Variants in FBXO34 observed in about 807,000 individuals in gnomAD.
FBXO34 encodes F-box only protein 34.
Under a neutral mutation model 24.5 loss-of-function variants are expected in FBXO34, and 12 were observed. That is an observed-to-expected ratio of 0.49 (90% CI 0.31 to 0.79). FBXO34 has a LOEUF of 0.79. Ranked by LOEUF, FBXO34 falls within the 30% of genes least tolerant of loss-of-function variation. The pLI is 0.04. For missense variants in FBXO34, 823 were observed against 857.7 expected, an observed-to-expected ratio of 0.96 and a Z score of 0.51; for synonymous variants, 320 against 311.9, an observed-to-expected ratio of 1.03 and a Z score of -0.27.
At chr14:55,404,926 G>A in the FBXO34 span, among the ~76,000 whole-genome samples, 1 of 152,146 alleles carries the variant, frequency 6.6e-6, no homozygotes, top group Non-Finnish European at 1.5e-5. Context: ...CATGGGGTGA[G>A]GGTAGGGAAG....
the FBXO34 span, among the ~76,000 whole-genome samples, chr14:55,432,308 G>A: frequency 1.3e-5 from 2 of 149,404 alleles, no homozygotes; most frequent in African/African-American, 2.5e-5. Context: ...AGCTACTTAA[G>A]AGGCCGAGCT....
At chr14:55,370,901 A>C (rs1196815935), downstream of FBXO34, among the ~76,000 whole-genome samples, 3 of 152,074 alleles carry the variant, frequency 2.0e-5, no homozygotes, top group Non-Finnish European at 2.9e-5. Flanking sequence ...CCTGCCTCTC[A>C]AAACGCTGAG....
rs118019110 is a variant in FBXO34, at chr14:55,353,261, C to G, written c.*735C>G. 6.5e-6 allele frequency: 1 copy of G among 154,778 alleles called. No homozygotes were observed. The highest frequency in any genetic ancestry group is 2.7e-5 in the African/African-American group (1 of 37,102). The allele number at this position is 154,778 out of a possible 1,614,324, so 9.6% of individuals were successfully genotyped here. ...CCACAATGCAGCTAGGATAGTGTTGCGGCTATAATTTTGTGTTTTTTTTTT... is the reference window on the plus strand; with the variant it reads ...CCACAATGCAGCTAGGATAGTGTTGGGGCTATAATTTTGTGTTTTTTTTTT... On this transcript the variant is annotated 3_prime_UTR_variant, in exon 2 of 2. Transcript: ENST00000313833.
chr14:55,298,597 C>CGCCGGAGCCCA (rs1555336005), intron 1 of FBXO34: 42 of 954,650 alleles, frequency 4.4e-5, no homozygotes, highest in East Asian at 2.6e-4. Context: ...GGAGGGCGGG[C>CGCCGGAGCCCA]GCCGGAGCCC....
chr14:55,358,100 C>G (rs926994751), downstream of FBXO34, among the ~76,000 whole-genome samples: 1 of 150,234 alleles, frequency 6.7e-6, no homozygotes, highest in Non-Finnish European at 1.5e-5. Context: ...ATACAGACAA[C>G]GCAGCATGAT....
the FBXO34 span, chr14:55,428,968 C>G: frequency 1.2e-6 from 2 of 1,614,026 alleles, no homozygotes; most frequent in Non-Finnish European, 1.7e-6. Context: ...GTCGAGACTG[C>G]TCTTCACTGG....
At chr14:55,405,871 C>A in the FBXO34 span, among the ~76,000 whole-genome samples, 1 of 151,384 alleles carries the variant, frequency 6.6e-6, no homozygotes, top group Non-Finnish European at 1.5e-5. Flanking sequence ...GCCTGGGTCT[C>A]CCCTGGGGGT....
intron 1 of FBXO34, among the ~76,000 whole-genome samples, chr14:55,334,830 C>T (rs541898985): frequency 5.2e-4 from 79 of 152,098 alleles, no homozygotes; most frequent in Non-Finnish European, 9.3e-4. Context: ...TCGGAAGGGT[C>T]CAGCATCCAA....
At chr14:55,404,318 C>T in the FBXO34 span, among the ~76,000 whole-genome samples, 17 of 152,314 alleles carry the variant, frequency 1.1e-4, no homozygotes, top group African/African-American at 4.1e-4. Flanking sequence ...TTAACCACAA[C>T]CCTGATCCCT....
At chr14:55,333,011 A>T (rs1239456180) in intron 1 of FBXO34, among the ~76,000 whole-genome samples, 1 of 152,194 alleles carries the variant, frequency 6.6e-6, no homozygotes, top group Non-Finnish European at 1.5e-5. Flanking sequence ...GATTTAAAAC[A>T]TTCCTTCCAG....
At chr14:55,363,946 TTTC>T (rs1327637438), downstream of FBXO34, among the ~76,000 whole-genome samples, 7 of 129,434 alleles carry the variant, frequency 5.4e-5, no homozygotes, top group Middle Eastern at 0.011. Flanking sequence ...TTCTGCCAAT[TTTC>T]TTTTTTTTTT....
chr14:55,428,119 C>CTTTTTTTTTTTTTTTTTTTTT, the FBXO34 span, among the ~76,000 whole-genome samples: 8 of 43,360 alleles, frequency 1.8e-4, 4 homozygotes, highest in Non-Finnish European at 3.0e-4. Context: ...CATGCCTTAT[C>CTTTTTTTTTTTTTTTTTTTTT]TTTTTTTTTT....
At chr14:55,320,179 C>T (rs1401935011) in intron 1 of FBXO34, among the ~76,000 whole-genome samples, 4 of 152,170 alleles carry the variant, frequency 2.6e-5, no homozygotes, top group Non-Finnish European at 5.9e-5. Flanking sequence ...CTGAAGCGTG[C>T]ATTTGAAAGA....
At chr14:55,318,691 G>A (rs1883025479) in intron 1 of FBXO34, among the ~76,000 whole-genome samples, 1 of 151,528 alleles carries the variant, frequency 6.6e-6, no homozygotes, top group African/African-American at 2.4e-5. Context: ...TTTTTTATAT[G>A]GATGTATGAG....
At chr14:55,289,321 A>G (rs1014789903) in intron 1 of FBXO34, among the ~76,000 whole-genome samples, 1 of 152,168 alleles carries the variant, frequency 6.6e-6, no homozygotes, top group African/African-American at 2.4e-5. Flanking sequence ...CCAAAATTTC[A>G]AAAAAGTTTG....
At chr14:55,429,064 C>A in the FBXO34 span, 1 of 1,479,480 alleles carries the variant, frequency 6.8e-7, no homozygotes, top group East Asian at 2.3e-5. Context: ...ATTTGTACCA[C>A]GTTTATCTTT....
chr14:55,322,799 A>C (rs1883184449), intron 1 of FBXO34, among the ~76,000 whole-genome samples: 1 of 152,068 alleles, frequency 6.6e-6, no homozygotes, highest in African/African-American at 2.4e-5. Flanking sequence ...TACCCAACTA[A>C]GATTATAAAG....
rs1884416757 is a variant in FBXO34, at chr14:55,352,310, G to A, written c.1920G>A (p.Val640=). 1 of 1,614,032 alleles carries A rather than the reference G, an allele frequency of 6.2e-7. No individual in the cohort carries two copies. The highest frequency in any genetic ancestry group is 1.7e-5 in the Admixed American group (1 of 60,002). The part of the protein sequence containing the change: ...DPCKQCKKKY[V]KGDVSLCRWH... ...GCAAACAGTGCAAGAAAAAGTATGT[G>A]AAAGGGGATGTGTCCCTGTGCCGAT... The change falls in exon 2 of 2, where the codon GTG becomes GTA. Residue 640 remains valine, a synonymous_variant. Transcript: ENST00000313833.
At chr14:55,359,565 CAA>C (rs2140102200) in intron 3 of FBXO34, among the ~76,000 whole-genome samples, 1 of 152,316 alleles carries the variant, frequency 6.6e-6, no homozygotes, top group Admixed American at 6.5e-5. Context: ...TGGTTTGCCT[CAA>C]TATTGATAGC....
Sources: gnomAD v4.1 joint callset for allele counts (sites outside exome capture counted in the v4.1 genomes callset) on GRCh38, gnomAD v4.1.1 for gene constraint, MANE v1.5 for transcripts, NCBI Gene and HGNC (gene_info 2026-07-23, HGNC 2026-07-21) for gene names.